Variants in MAN2A1 observed in about 807,000 individuals in gnomAD.
MAN2A1 encodes mannosidase alpha class 2A member 1.
MAN2A1 carries 76 observed loss-of-function variants against 142.6 expected under a neutral mutation model. That is an observed-to-expected ratio of 0.53 (90% CI 0.44 to 0.65). MAN2A1 has a LOEUF of 0.65. Among genes scored for constraint, MAN2A1 ranks in the 30% least tolerant of loss-of-function variants. The probability of loss-of-function intolerance (pLI) is 0.00; values close to 1 mark genes in which losing one functional copy is unlikely to be tolerated. For missense variants in MAN2A1, 1,311 were observed against 1,365.1 expected (o/e 0.96, Z 0.62); for synonymous variants, 559 against 473.2 (o/e 1.18, Z -2.35).
chr5:109,727,811 C>G (rs950607719), intron 3 of MAN2A1, among the ~76,000 whole-genome samples: 1 of 152,228 alleles, frequency 6.6e-6, no homozygotes, highest in African/African-American at 2.4e-5. Flanking sequence ...CTGGGCTATT[C>G]CCTGGGAATC....
At chr5:109,851,457 A>G (rs1030091515) in intron 19 of MAN2A1, among the ~76,000 whole-genome samples, 2 of 152,122 alleles carry the variant, frequency 1.3e-5, no homozygotes, top group African/African-American at 2.4e-5. Flanking sequence ...TAATGCCATT[A>G]TCATCGGAAT....
At chr5:109,843,884 T>C (rs1755280318) in intron 17 of MAN2A1, among the ~76,000 whole-genome samples, 1 of 152,204 alleles carries the variant, frequency 6.6e-6, no homozygotes, top group Non-Finnish European at 1.5e-5. Flanking sequence ...AATTTCTGGC[T>C]GTGAATAGAA....
chr5:109,757,753 A>G (rs1752727405), intron 5 of MAN2A1, among the ~76,000 whole-genome samples: 1 of 152,030 alleles, frequency 6.6e-6, no homozygotes, highest in African/African-American at 2.4e-5. Flanking sequence ...TTCTGTATAT[A>G]TGGATTGGAC....
intron 4 of MAN2A1, among the ~76,000 whole-genome samples, chr5:109,735,237 C>G (rs1319974008): frequency 9.9e-5 from 15 of 152,070 alleles, no homozygotes; most frequent in African/African-American, 3.6e-4. Flanking sequence ...AGATCTTCCT[C>G]CATCCTTTTA....
intron 17 of MAN2A1, among the ~76,000 whole-genome samples, chr5:109,843,665 G>A (rs1273771403): frequency 6.6e-6 from 1 of 152,088 alleles, no homozygotes; most frequent in Non-Finnish European, 1.5e-5. Context: ...AAATGGGCAG[G>A]TATATATTTA....
At chr5:109,792,735 G>A (rs1753766490) in intron 12 of MAN2A1, among the ~76,000 whole-genome samples, 1 of 152,022 alleles carries the variant, frequency 6.6e-6, no homozygotes, top group African/African-American at 2.4e-5. Context: ...GATTTGACTG[G>A]GCTCAGTGTG....
chr5:109,771,609 T>G (rs1483977972), intron 7 of MAN2A1, among the ~76,000 whole-genome samples: 1 of 152,324 alleles, frequency 6.6e-6, no homozygotes, highest in Middle Eastern at 3.4e-3. Context: ...TGAGAACCAC[T>G]GAGGAATTCT....
chr5:109,756,086 C>T (rs1270350503), intron 5 of MAN2A1, among the ~76,000 whole-genome samples: 1 of 151,924 alleles, frequency 6.6e-6, no homozygotes, highest in Non-Finnish European at 1.5e-5. Context: ...GAGTTCAAAT[C>T]ACTAAGGTCT....
chr5:109,784,235 C>G (rs185339531), intron 9 of MAN2A1, among the ~76,000 whole-genome samples: 66 of 152,240 alleles, frequency 4.3e-4, no homozygotes, highest in African/African-American at 1.2e-3. Flanking sequence ...TAACCCTTTC[C>G]CCTGAACTAT....
intron 1 of MAN2A1, among the ~76,000 whole-genome samples, chr5:109,692,888 C>T (rs993658938): frequency 6.6e-6 from 1 of 152,152 alleles, no homozygotes; most frequent in Non-Finnish European, 1.5e-5. Context: ...AAGGACCATG[C>T]AGCCTAGATC....
At chr5:109,696,207 TCTC>T (rs1750807426) in intron 1 of MAN2A1, among the ~76,000 whole-genome samples, 1 of 152,056 alleles carries the variant, frequency 6.6e-6, no homozygotes, top group East Asian at 1.9e-4. Flanking sequence ...TTCAAGCGAT[TCTC>T]CTGCCTCAGC....
chr5:109,840,520 C>A, intron 16 of MAN2A1: 1 of 503,406 alleles, frequency 2.0e-6, no homozygotes, highest in Non-Finnish European at 4.0e-6. Context: ...CTGCCATAAG[C>A]TTCTTTTCCT....
chr5:109,768,004 G>A (rs570223934), intron 6 of MAN2A1, among the ~76,000 whole-genome samples: 9 of 152,278 alleles, frequency 5.9e-5, no homozygotes, highest in East Asian at 3.9e-4. Flanking sequence ...TAGAAAGCAC[G>A]TTTTATCACA....
chr5:109,779,523 A>AT (rs1263060059), intron 8 of MAN2A1, among the ~76,000 whole-genome samples: 1 of 151,620 alleles, frequency 6.6e-6, no homozygotes, highest in Non-Finnish European at 1.5e-5. Flanking sequence ...ATTTCCTTCT[A>AT]TTCGTGACTC....
In MAN2A1 at chr5:109,716,175, A is replaced by G. The variant is rs749486590; in HGVS notation, c.446A>G (p.Lys149Arg). 1.5e-5 allele frequency: 24 copies of G among 1,612,146 alleles called. No individual in the cohort carries two copies. In the South Asian group the frequency reaches 2.5e-4, roughly 17 times the overall value. ...SFDNPDGGVWKQGFDITYESN... is the reference protein window; with the variant it reads ...SFDNPDGGVWRQGFDITYESN... Reference sequence around the variant, plus strand: ...GACAATCCAGATGGTGGAGTTTGGAAGCAAGGATTTGACATTACTTATGAA... The same window carrying G: ...GACAATCCAGATGGTGGAGTTTGGAGGCAAGGATTTGACATTACTTATGAA... The change falls in exon 3 of 22, where the codon AAG becomes AGG. Residue 149 changes from lysine to arginine, a missense_variant. This residue lies in a region of MAN2A1 where 409 missense variants were observed against 412.7 expected (regional missense o/e 0.99). Coordinates refer to ENST00000261483, the MANE Select transcript of MAN2A1 (RefSeq NM_002372.4).
rs1751443342 is a variant in MAN2A1 at position 109,716,064 on chromosome 5, A to G, written c.391-56A>G. The G allele has an allele frequency of 9.7e-6, 12 of 1,241,946 alleles. No individual in the cohort carries two copies. In the South Asian group the frequency reaches 1.6e-4, roughly 17 times the overall value. 76.9% of individuals were successfully genotyped at this position (1,241,946 alleles called of 1,614,324 possible). ...AGTGAATAATTTTGAGCAAATATTT[A>G]CCAACATTAAATTAATAATTGTTAA... On this transcript the variant is annotated intron_variant, in intron 2 of 21. Coordinates refer to ENST00000261483, the MANE Select transcript of MAN2A1 (RefSeq NM_002372.4).
chr5:109,853,980 G>A (rs917943463), intron 19 of MAN2A1: 2 of 151,792 alleles, frequency 1.3e-5, no homozygotes, highest in Non-Finnish European at 1.5e-5. Flanking sequence ...CTTCTGGCAC[G>A]ATGCTAGTCA....
At chr5:109,716,416 G>A in intron 3 of MAN2A1, 152 bp downstream of exon 3, 1 of 591,078 alleles carries the variant, frequency 1.7e-6, no homozygotes. Context: ...GTGTCATTAT[G>A]TTTTAGTGTT....
chr5:109,763,058 G>T (rs1414316814), intron 5 of MAN2A1, among the ~76,000 whole-genome samples: 1 of 152,190 alleles, frequency 6.6e-6, no homozygotes, highest in Non-Finnish European at 1.5e-5. Flanking sequence ...TTATCATGCT[G>T]GCTCAAGTAG....
Sources: gnomAD v4.1 joint callset for allele counts (sites outside exome capture counted in the v4.1 genomes callset) on GRCh38, gnomAD v4.1.1 for gene constraint, gnomAD v4.1.1 regional missense constraint, MANE v1.5 for transcripts, NCBI Gene and HGNC (gene_info 2026-07-23, HGNC 2026-07-21) for gene names.